The following CDCA7L variants were observed in gnomAD, a reference collection of about 807,000 sequenced individuals.
CDCA7L encodes the protein cell division cycle-associated 7-like protein.
In CDCA7L, 44 loss-of-function variants were observed where a neutral mutation model predicts 57.4. The observed-to-expected ratio is 0.77, with a 90% CI of 0.60 to 0.98. The LOEUF is 0.98. Among genes scored for constraint, CDCA7L ranks in the 50% least tolerant of loss-of-function variants. The pLI is 0.00. For missense variants in CDCA7L, 644 were observed against 580.6 expected, an observed-to-expected ratio of 1.11 and a Z score of -1.12; for synonymous variants, 236 against 202.8, an observed-to-expected ratio of 1.16 and a Z score of -1.39.
chr7:21,914,881 T>C (rs910737438), intron 2 of CDCA7L, among the ~76,000 whole-genome samples: 4 of 152,170 alleles, frequency 2.6e-5, no homozygotes, highest in Non-Finnish European at 4.4e-5. Context: ...AAAGGAGTCA[T>C]CATAGCAGCA....
intron 2 of CDCA7L, 61 bp from the exon 3 acceptor site, chr7:21,911,815 G>A: frequency 1.3e-6 from 2 of 1,507,242 alleles, no homozygotes; most frequent in African/African-American, 1.4e-5. Flanking sequence ...CCAGGGAAGG[G>A]TAGAATGAGG....
intron 1 of CDCA7L, among the ~76,000 whole-genome samples, chr7:21,918,843 A>C (rs1785570768): frequency 6.6e-6 from 1 of 152,214 alleles, no homozygotes; most frequent in Non-Finnish European, 1.5e-5. Flanking sequence ...AAACAAAACA[A>C]AAAACAATAA....
chr7:21,907,230 C>T (rs1275595526), intron 4 of CDCA7L, among the ~76,000 whole-genome samples: 3 of 152,042 alleles, frequency 2.0e-5, no homozygotes, highest in Non-Finnish European at 2.9e-5. Context: ...CCAAAAAAAT[C>T]ATAAAGAAAA....
chr7:21,912,139 G>A (rs147364800), intron 2 of CDCA7L, among the ~76,000 whole-genome samples: 2,471 of 152,068 alleles, frequency 0.016, 40 homozygotes, highest in African/African-American at 0.048. Flanking sequence ...GCATGTACCT[G>A]TAGTCCCAGC....
rs530270530 is a variant in CDCA7L at position 21,927,875 on chromosome 7, G to C, written c.25-10981C>G. On this transcript the variant is annotated intron_variant, in intron 1 of 9. Transcript: ENST00000406877. ...GGACAGAGCACCTGGGAAAGGCGTG[G>C]CTGTGGGCCCAGCTTAAGCAGACTT... Among the ~76,000 whole-genome samples, 19 of 152,340 alleles carry C rather than the reference G, an allele frequency of 1.2e-4. No homozygotes were observed. In the East Asian group the frequency reaches 3.1e-3, roughly 25 times the overall value.
At chr7:21,909,201 G>A (rs1021307767) in intron 3 of CDCA7L, among the ~76,000 whole-genome samples, 5 of 152,216 alleles carry the variant, frequency 3.3e-5, no homozygotes, top group Non-Finnish European at 5.9e-5. Context: ...ACATTGCTCT[G>A]TTTTACAAGT....
At position 21,904,251 on chromosome 7, in the gene CDCA7L, C is replaced by T. The variant is rs769627906; in HGVS notation, c.1056G>A (p.Thr352=). 10 of 1,604,364 alleles carry T rather than the reference C, an allele frequency of 6.2e-6. No individual in the cohort carries two copies. The highest frequency in any genetic ancestry group is 4.5e-5 in the South Asian group (4 of 89,320). Residue 352 remains threonine, a synonymous_variant, in exon 8 of 10, where the codon ACG becomes ACA. Transcript: ENST00000406877. ...DKIYDKVLGN[T]CHQCRQKTID... ...TGGTCTTTTGTCGACACTGATGGCA[C>T]GTGTTACCCTACAGGGGGAAGGCAG...
In CDCA7L at chr7:21,904,264, A is replaced by AG. The variant is rs2128056840; in HGVS notation, c.1048-6dup. On this transcript the variant is annotated splice_polypyrimidine_tract_variant and splice_region_variant and intron_variant, in intron 7 of 9. Transcript: ENST00000406877. ...ACACTGATGGCACGTGTTACCCTAC[A>AG]GGGGGAAGGCAGTGAGCAGGTGAAC... 1.3e-6 allele frequency: 2 copies of AG among 1,596,218 alleles called. No individual in the cohort carries two copies. Among genetic ancestry groups the AG allele is most frequent in the South Asian group, 1.1e-5 (1 of 87,696 alleles).
Position 21,901,271 on chromosome 7 carries a change from C to T in CDCA7L, c.*1051G>A. ...GAAGCGTAAGGTAACACTGGCATTC[C>T]TCTAGCCTCTGCTGGAGTGCAGTGA... On this transcript the variant is annotated 3_prime_UTR_variant, in exon 10 of 10. Transcript: ENST00000406877. The T allele has an allele frequency of 6.3e-7, 1 of 1,587,200 alleles. No individual in the cohort carries two copies. Among genetic ancestry groups the T allele is most frequent in the Non-Finnish European group, 8.6e-7 (1 of 1,166,400 alleles).
chr7:21,902,415 TGA>T lies in CDCA7L; in HGVS notation c.1335-65_1335-64del, dbSNP rs538762457. On this transcript the variant is annotated intron_variant, in intron 9 of 9. Transcript: ENST00000406877. The stretch of plus-strand genomic sequence containing the variant: ...AAATACACAAATGGCATTCTAGGCT[TGA>T]GAGATTCCACAATCATCTAAGAGTA... The T allele has an allele frequency of 1.0e-3, 1,478 of 1,477,444 alleles. 6 individuals carry two copies. The highest frequency in any genetic ancestry group is 1.0e-3 in the South Asian group (92 of 88,094). 91.5% of individuals were successfully genotyped at this position (1,477,444 alleles called of 1,614,324 possible).
At chr7:21,911,006 A>ATTTTTTTTTTTTTT (rs557286550) in intron 3 of CDCA7L, among the ~76,000 whole-genome samples, 3 of 82,534 alleles carry the variant, frequency 3.6e-5, no homozygotes, top group African/African-American at 5.9e-5. Context: ...TCTTGAGATA[A>ATTTTTTTTTTTTTT]TTTTTTTTTT....
At chr7:21,940,232 G>T in intron 1 of CDCA7L, 1 of 690,938 alleles carries the variant, frequency 1.4e-6, no homozygotes, top group Non-Finnish European at 1.8e-6. Context: ...CTGTTTCAGG[G>T]CCAGGAAAGT....
At chr7:21,913,532 C>A (rs1785395411) in intron 2 of CDCA7L, among the ~76,000 whole-genome samples, 1 of 152,212 alleles carries the variant, frequency 6.6e-6, no homozygotes, top group Non-Finnish European at 1.5e-5. Flanking sequence ...GAATGGTACA[C>A]AGCTGCTGCT....
At position 21,908,599 on chromosome 7, in the gene CDCA7L, AAAAACAT is replaced by A. The variant is rs1785216275; in HGVS notation, c.304-99_304-93del. The stretch of plus-strand genomic sequence containing the variant: ...TAAAACAACTGACAGCATTATGAGA[AAAAACAT>A]GAAAAATGAAAAGCTTCCCCTTCAT... On this transcript the variant is annotated intron_variant, in intron 3 of 9. Coordinates refer to ENST00000406877, the MANE Select transcript of CDCA7L (RefSeq NM_018719.5). 7.0e-6 allele frequency: 9 copies of A among 1,294,124 alleles called. No individual in the cohort carries two copies. The South Asian group carries it at 1.8e-4, about 25-fold the overall frequency. 80.2% of individuals were successfully genotyped at this position (1,294,124 alleles called of 1,614,324 possible).
chr7:21,907,194 T>C (rs1172184849), intron 4 of CDCA7L, among the ~76,000 whole-genome samples: 2 of 152,242 alleles, frequency 1.3e-5, no homozygotes, highest in Admixed American at 1.3e-4. Context: ...GGATTCGTTT[T>C]AGTTTATACA....
chr7:21,904,479 G>GCAGGAAGT (rs76814163), intron 7 of CDCA7L, among the ~76,000 whole-genome samples: 3,325 of 152,294 alleles, frequency 0.022, 41 homozygotes, highest in Middle Eastern at 0.034. Flanking sequence ...GGGCTGCACA[G>GCAGGAAGT]CAGGAAGTGA....
chr7:21,905,125 C>A (rs1479341537), intron 7 of CDCA7L, among the ~76,000 whole-genome samples: 1 of 152,160 alleles, frequency 6.6e-6, no homozygotes. Context: ...GAAATTTAAC[C>A]CATTTCCTAC....
chr7:21,930,143 G>A (rs916014742), intron 1 of CDCA7L, among the ~76,000 whole-genome samples: 32 of 152,024 alleles, frequency 2.1e-4, no homozygotes, highest in Non-Finnish European at 4.7e-4. Flanking sequence ...CAATCAAATT[G>A]GAACTCAGGA....
At chr7:21,928,476 C>T (rs758406948) in intron 1 of CDCA7L, among the ~76,000 whole-genome samples, 12 of 152,006 alleles carry the variant, frequency 7.9e-5, no homozygotes, top group Admixed American at 4.6e-4. Flanking sequence ...GACAGAAGTA[C>T]GCTTCAGAAG....
Sources: allele counts gnomAD v4.1 joint callset (sites outside exome capture counted in the v4.1 genomes callset), GRCh38; gene constraint gnomAD v4.1.1; transcripts MANE v1.5; gene names NCBI Gene and HGNC (gene_info 2026-07-23, HGNC 2026-07-21).